Variants in ZBTB4 observed in about 807,000 individuals in gnomAD.
ZBTB4 encodes the protein zinc finger and BTB domain containing 4.
ZBTB4 carries 14 observed loss-of-function variants against 59.8 expected under a neutral mutation model. The ratio of observed to expected loss-of-function variants is 0.23; its 90% CI spans 0.15 to 0.37. The LOEUF is 0.37. ZBTB4 is among the 10% of genes least tolerant of loss of function. The pLI is 1.00. For synonymous variants in ZBTB4, 587 were observed against 575.2 expected (o/e 1.02, Z -0.29); for missense variants, 1,198 against 1,380.8 (o/e 0.87, Z 2.10).
At chr17:7,465,116 A>T (rs1327286049) in intron 3 of ZBTB4, among the ~76,000 whole-genome samples, 1 of 146,682 alleles carries the variant, frequency 6.8e-6, no homozygotes, top group Non-Finnish European at 1.5e-5. Flanking sequence ...AGATCACGCC[A>T]CTGCACTCCA....
At chr17:7,475,940 A>G (rs1269884456) in intron 1 of ZBTB4, among the ~76,000 whole-genome samples, 2 of 152,196 alleles carry the variant, frequency 1.3e-5, no homozygotes, top group Non-Finnish European at 2.9e-5. Context: ...AAACCACCGC[A>G]CAAGGTCTCA....
intron 3 of ZBTB4, among the ~76,000 whole-genome samples, chr17:7,465,133 G>A (rs1473017587): frequency 1.6e-4 from 22 of 141,248 alleles, no homozygotes; most frequent in Non-Finnish European, 2.9e-4. Flanking sequence ...TCCAGCCTGG[G>A]CAACAGGGCG....
At chr17:7,470,321 C>T (rs1409413881) in intron 1 of ZBTB4, among the ~76,000 whole-genome samples, 1 of 151,816 alleles carries the variant, frequency 6.6e-6, no homozygotes, top group African/African-American at 2.4e-5. Flanking sequence ...TCCCTTAAGC[C>T]CAGGAGTTCA....
Position 7,463,364 on chromosome 17 carries a change from C to T in ZBTB4, c.1618G>A (p.Val540Ile), listed in dbSNP as rs1452147671. 6.2e-7 allele frequency: 1 copy of T among 1,605,774 alleles called. No individual in the cohort carries two copies. Among genetic ancestry groups the T allele is most frequent in the South Asian group, 1.1e-5 (1 of 89,710 alleles). The stretch of plus-strand genomic sequence containing the variant: ...GGCCCTGCAGCGGTGGCTGGGCTGA[C>T]TGCTGTGGCTGGGCTGGTGGGTGTG... ...AATPTSPATA[V>I]SPATAAGPAM... The change falls in exon 4 of 4, where the codon GTC (valine) becomes ATC (isoleucine). Residue 540 changes from valine (V) to isoleucine (I), a missense_variant. Coordinates refer to ENST00000380599, the MANE Select transcript of ZBTB4 (RefSeq NM_001128833.2).
At chr17:7,481,949 G>A, upstream of ZBTB4, 2 of 1,550,090 alleles carry the variant, frequency 1.3e-6, no homozygotes, top group East Asian at 4.5e-5. Flanking sequence ...CGCCTGGGCT[G>A]CGGCTGCTGT....
In ZBTB4 at chr17:7,468,865, G is replaced by T. The variant is rs531366871; in HGVS notation, c.-80-1538C>A. Among the ~76,000 whole-genome samples, 17 of 152,292 alleles carry T rather than the reference G, an allele frequency of 1.1e-4. No individual in the cohort carries two copies. The South Asian group carries it at 2.7e-3, about 24-fold the overall frequency. On this transcript the variant is annotated intron_variant, in intron 1 of 3. Transcript: ENST00000380599. ...ATTTTCCTGACACCTCTCCTGGATG[G>T]GAAGAAGGAAGATGGTAAACAGGGA...
intron 1 of ZBTB4, among the ~76,000 whole-genome samples, chr17:7,477,533 G>A (rs756347535): frequency 2.6e-4 from 40 of 152,160 alleles, no homozygotes; most frequent in African/African-American, 8.0e-4. Context: ...CAGTGGGGCC[G>A]GGCACAGTAG....
At chr17:7,468,967 G>A (rs1467825884) in intron 1 of ZBTB4, among the ~76,000 whole-genome samples, 1 of 152,138 alleles carries the variant, frequency 6.6e-6, no homozygotes, top group East Asian at 1.9e-4. Flanking sequence ...CTGTCAGTTG[G>A]TGAATTTCAG....
Position 7,474,220 on chromosome 17 carries a change from CTTT to C in ZBTB4, c.-81+5233_-81+5235del, listed in dbSNP as rs67462449. 7.8e-5 allele frequency among the ~76,000 whole-genome samples: 9 copies of C among 116,118 alleles called. 1 individual carries two copies. The highest frequency in any genetic ancestry group is 4.7e-4 in the Admixed American group (5 of 10,546). 76.2% of individuals were successfully genotyped at this position (116,118 alleles called of 152,430 possible). On this transcript the variant is annotated intron_variant, in intron 1 of 3. Coordinates refer to ENST00000380599, the MANE Select transcript of ZBTB4 (RefSeq NM_001128833.2). ...ACAGGCATGAGCCACCATGGCCAGA[CTTT>C]TTTTTTTTTTGACATGAGGTCTTGC... is the stretch of plus-strand genomic sequence containing the variant.
Position 7,462,750 on chromosome 17 carries a change from G to A in ZBTB4, c.2232C>T (p.His744=), listed in dbSNP as rs945444600. The change falls in exon 4 of 4, where the codon CAC becomes CAT. Residue 744 remains histidine (H), a synonymous_variant. Coordinates refer to ENST00000380599, the MANE Select transcript of ZBTB4 (RefSeq NM_001128833.2). The surrounding 1 kb of genome is among the most constrained non-coding windows in gnomAD (Gnocchi z 7.5). The stretch of plus-strand genomic sequence containing the variant: ...GGGAGCCCCCACCGTGGGCCTCTTG[G>A]TGCTTCCGCAGCTTTCTCAGGGTGG... ...TFTTLRKLRK[H]QEAHGGGSHS... is the part of the protein sequence containing the mutation. The A allele has an allele frequency of 1.2e-6, 2 of 1,603,184 alleles. No homozygotes were observed. Among genetic ancestry groups the A allele is most frequent in the East Asian group, 2.2e-5 (1 of 44,880 alleles).
intron 1 of ZBTB4, 99 bp from the exon 2 acceptor site, chr17:7,467,426 A>G (rs1597771836): frequency 4.7e-6 from 1 of 211,222 alleles, no homozygotes; most frequent in Non-Finnish European, 8.0e-6. Flanking sequence ...GGAAGTGGGG[A>G]GGGGTGCAGT....
intron 2 of ZBTB4, 150 bp downstream of exon 2, chr17:7,467,107 A>C (rs967463564): frequency 1.7e-6 from 2 of 1,168,958 alleles, no homozygotes; most frequent in Non-Finnish European, 2.1e-6. Flanking sequence ...TAAGTGAGGC[A>C]AATCTCTCTC....
intron 1 of ZBTB4, among the ~76,000 whole-genome samples, chr17:7,472,152 C>T (rs891616801): frequency 2.5e-4 from 38 of 152,060 alleles, no homozygotes; most frequent in African/African-American, 7.7e-4. Flanking sequence ...TCCTATCTCC[C>T]GACCCTACTT....
intron 1 of ZBTB4, among the ~76,000 whole-genome samples, chr17:7,471,307 C>T (rs944901990): frequency 1.8e-4 from 27 of 152,256 alleles, no homozygotes; most frequent in African/African-American, 6.3e-4. Flanking sequence ...CCTCAGCCTC[C>T]GGAGTATCTG....
At chr17:7,481,244 C>T (rs985832788), upstream of ZBTB4, 2 of 292,598 alleles carry the variant, frequency 6.8e-6, no homozygotes, top group African/African-American at 2.2e-5. Flanking sequence ...GCAGGAGAAT[C>T]GCTTGAATCT....
chr17:7,463,112 G>A lies in ZBTB4; in HGVS notation c.1870C>T (p.Arg624Cys), dbSNP rs781001624. ...VKRRISETDL[R>C]PGELSGEEME... The stretch of plus-strand genomic sequence containing the variant: ...TCCTCTCCGCTCAGCTCCCCAGGAC[G>A]CAGGTCAGTCTCTGAGATGCGGCGC... Residue 624 changes from arginine (R) to cysteine (C), a missense_variant, in exon 4 of 4, where the codon CGT (arginine) becomes TGT (cysteine). Physicochemically the swap from Arg to Cys is radical, Grantham distance 180. Around this residue, in one of 9 missense-constraint regions of ZBTB4, gnomAD observed 550 missense variants for 541.8 expected, o/e 1.02. Transcript: ENST00000380599. 1 of 1,609,860 alleles carries A rather than the reference G, an allele frequency of 6.2e-7. No individual in the cohort carries two copies.
intron 1 of ZBTB4, among the ~76,000 whole-genome samples, chr17:7,473,886 G>A (rs116802513): frequency 0.018 from 2,747 of 151,986 alleles, 87 homozygotes; most frequent in African/African-American, 0.062. Context: ...TAAGCTCCAA[G>A]GGGTAAAAGG....
upstream of ZBTB4, among the ~76,000 whole-genome samples, chr17:7,480,347 TC>T (rs1283038094): frequency 2.0e-5 from 3 of 151,970 alleles, no homozygotes; most frequent in African/African-American, 7.3e-5. Context: ...ACAGGGACAA[TC>T]CCAAGAACTC....
At chr17:7,483,411 G>T (rs2070373102), upstream of ZBTB4, 2 of 282,334 alleles carry the variant, frequency 7.1e-6, no homozygotes, top group Non-Finnish European at 1.4e-5. Context: ...TCCCCTCACG[G>T]CAAAGGTTTC....
Sources: allele counts gnomAD v4.1 joint callset (sites outside exome capture counted in the v4.1 genomes callset), GRCh38; gene constraint gnomAD v4.1.1; regional missense constraint gnomAD v4.1.1; non-coding constraint Gnocchi (gnomAD v3.1); transcripts MANE v1.5; gene names NCBI Gene and HGNC (gene_info 2026-07-23, HGNC 2026-07-21).